YIPF7: variants seen among roughly 807,000 people sequenced by gnomAD.
YIPF7 encodes the protein protein YIPF7.
In YIPF7, 35 loss-of-function variants were observed where a neutral mutation model predicts 27.2. That is an observed-to-expected ratio of 1.29 (90% CI 0.98 to 1.70). The LOEUF (loss-of-function observed/expected upper bound fraction) is 1.70, where lower values mean the gene tolerates loss of function less well. Ranked by LOEUF, YIPF7 falls within the 40% of genes most tolerant of loss-of-function variation. The pLI, the probability that YIPF7 is intolerant of heterozygous loss-of-function variation, is 0.00. For synonymous variants in YIPF7, 137 were observed against 110.4 expected (o/e 1.24, Z -1.51); for missense variants, 358 against 303.7 (o/e 1.18, Z -1.33).
chr4:44,651,505 T>C, intron 1 of YIPF7, 49 bp downstream of exon 1: 1 of 1,357,804 alleles, frequency 7.4e-7, no homozygotes. Context: ...ATAACCGAGC[T>C]TTGTATTTTG....
chr4:44,651,236 C>T (rs1331302845), intron 1 of YIPF7, among the ~76,000 whole-genome samples: 1 of 152,136 alleles, frequency 6.6e-6, no homozygotes, highest in Non-Finnish European at 1.5e-5. Flanking sequence ...GCGATTCATA[C>T]ATCTGATGCA....
chr4:44,628,295 T>C (rs1712744365), intron 4 of YIPF7, among the ~76,000 whole-genome samples: 2 of 152,178 alleles, frequency 1.3e-5, no homozygotes, highest in South Asian at 4.1e-4. Flanking sequence ...TTGGCCATAT[T>C]GCCTACAGAA....
chr4:44,629,268 GTTAAA>G (rs1460532512), intron 4 of YIPF7, 130 bp downstream of exon 4: 2 of 1,146,280 alleles, frequency 1.7e-6, no homozygotes, highest in African/African-American at 3.2e-5. Context: ...TGTCACTATG[GTTAAA>G]TTATTCTCTC....
At chr4:44,629,265 A>G (rs1712787767) in intron 4 of YIPF7, 138 bp downstream of exon 4, 7 of 1,106,776 alleles carry the variant, frequency 6.3e-6, no homozygotes, top group Non-Finnish European at 8.2e-6. Flanking sequence ...TTTTGTCACT[A>G]TGGTTAAATT....
chr4:44,635,402 C>T (rs1035734110), intron 3 of YIPF7, among the ~76,000 whole-genome samples: 3 of 151,986 alleles, frequency 2.0e-5, no homozygotes, highest in African/African-American at 7.3e-5. Flanking sequence ...TATGTTCTTC[C>T]TCACCTACCC....
rs758043645 is a variant in YIPF7 at position 44,624,790 on chromosome 4, G to A, written c.427-8C>T. The A allele has an allele frequency of 1.8e-5, 28 of 1,598,210 alleles. No homozygotes were observed. The highest frequency in any genetic ancestry group is 2.4e-5 in the Non-Finnish European group (28 of 1,173,616). ...AAACTGAACTTTTCCTGCCTGAAACGACGTGAAGAAAAAACAGTTTGAACA... is the reference window on the plus strand; with the variant it reads ...AAACTGAACTTTTCCTGCCTGAAACAACGTGAAGAAAAAACAGTTTGAACA... On this transcript the variant is annotated splice_polypyrimidine_tract_variant and splice_region_variant and intron_variant, in intron 4 of 5. Transcript: ENST00000415895.
At chr4:44,626,949 G>GT (rs1337045860) in intron 4 of YIPF7, among the ~76,000 whole-genome samples, 2 of 102,328 alleles carry the variant, frequency 2.0e-5, no homozygotes, top group African/African-American at 6.7e-5. Context: ...CTAATTTTCT[G>GT]TATTTTTTTT....
chr4:44,650,185 T>C (rs533261088), intron 1 of YIPF7, 84 bp from the exon 2 acceptor site: 1 of 800,784 alleles, frequency 1.2e-6, no homozygotes, highest in Admixed American at 2.2e-5. Context: ...AATGACAATG[T>C]GATTATGGCT....
chr4:44,646,217 A>G (rs60451610), intron 2 of YIPF7, among the ~76,000 whole-genome samples: 11,758 of 152,254 alleles, frequency 0.077, 535 homozygotes, highest in Admixed American at 0.13. Flanking sequence ...ATTTCCGATT[A>G]AGCTTGTAAA....
upstream of YIPF7, among the ~76,000 whole-genome samples, chr4:44,652,077 A>G (rs1202486079): frequency 6.6e-6 from 1 of 152,210 alleles, no homozygotes; most frequent in Non-Finnish European, 1.5e-5. Flanking sequence ...AAGACTAATT[A>G]CAGTCTGCCT....
At chr4:44,639,389 C>T (rs1276133138) in intron 2 of YIPF7, among the ~76,000 whole-genome samples, 3 of 152,010 alleles carry the variant, frequency 2.0e-5, no homozygotes, top group Non-Finnish European at 4.4e-5. Flanking sequence ...TTGTCATTTT[C>T]CTTGTAGATA....
intron 3 of YIPF7, among the ~76,000 whole-genome samples, chr4:44,632,712 T>C (rs1246683681): frequency 6.6e-6 from 1 of 152,224 alleles, no homozygotes; most frequent in Non-Finnish European, 1.5e-5. Context: ...AAATTGTATT[T>C]TTTTTATATC....
intron 2 of YIPF7, among the ~76,000 whole-genome samples, chr4:44,659,236 C>A (rs897531260): frequency 6.6e-6 from 1 of 151,362 alleles, no homozygotes; most frequent in Non-Finnish European, 1.5e-5. Flanking sequence ...TATTTTTTAA[C>A]TTAAGCTTGC....
intron 2 of YIPF7, among the ~76,000 whole-genome samples, chr4:44,660,056 G>C (rs76808342): frequency 0.51 from 71,494 of 140,002 alleles, 19,338 homozygotes; most frequent in Non-Finnish European, 0.62. Context: ...AGAGCTTGCA[G>C]TGAGCGGAGA....
chr4:44,653,673 G>A (rs986355657), upstream of YIPF7, among the ~76,000 whole-genome samples: 1 of 152,084 alleles, frequency 6.6e-6, no homozygotes, highest in Non-Finnish European at 1.5e-5. Flanking sequence ...AATTACTGAG[G>A]ATGATTTCTA....
upstream of YIPF7, chr4:44,651,688 G>T: frequency 1.6e-6 from 2 of 1,217,380 alleles, no homozygotes; most frequent in East Asian, 2.7e-5. Flanking sequence ...GACACCCTGA[G>T]CAGATGCTAC....
At chr4:44,624,478 A>G in intron 5 of YIPF7, 123 bp downstream of exon 5, 1 of 1,150,726 alleles carries the variant, frequency 8.7e-7, no homozygotes, top group East Asian at 2.8e-5. Context: ...GTAGCTTTTA[A>G]TAGCCATGGT....
chr4:44,642,181 T>C (rs919309028), intron 2 of YIPF7, among the ~76,000 whole-genome samples: 2 of 152,132 alleles, frequency 1.3e-5, no homozygotes, highest in African/African-American at 4.8e-5. Context: ...TGTGAATGAG[T>C]GGACTATTTC....
chr4:44,626,901 G>A (rs954825852), intron 4 of YIPF7, among the ~76,000 whole-genome samples: 50 of 147,718 alleles, frequency 3.4e-4, no homozygotes, highest in African/African-American at 1.2e-3. Context: ...TCAGCCTCCC[G>A]CGTAGCTGGG....
Sources: gnomAD v4.1 joint callset for allele counts (sites outside exome capture counted in the v4.1 genomes callset) on GRCh38, gnomAD v4.1.1 for gene constraint, MANE v1.5 for transcripts, NCBI Gene and HGNC (gene_info 2026-07-23, HGNC 2026-07-21) for gene names.